ARB2A: variants seen among roughly 807,000 people sequenced by gnomAD.
ARB2A encodes ARB2 cotranscriptional regulator A.
At chr5:93,902,755 C>G in the ARB2A span, among the ~76,000 whole-genome samples, 1 of 152,070 alleles carries the variant, frequency 6.6e-6, no homozygotes, top group African/African-American at 2.4e-5. Flanking sequence ...TGATTAGCTA[C>G]TCTTTTCTTC....
the ARB2A span, chr5:93,741,098 CA>C: frequency 6.2e-7 from 1 of 1,613,866 alleles, no homozygotes; most frequent in Non-Finnish European, 8.5e-7. Flanking sequence ...AGCACCTTCC[CA>C]AACAGAGCTC....
At chr5:93,851,352 C>T in the ARB2A span, among the ~76,000 whole-genome samples, 2 of 152,088 alleles carry the variant, frequency 1.3e-5, no homozygotes, top group Admixed American at 6.6e-5. Context: ...ATGACTTATC[C>T]ATTATATCTT....
chr5:94,076,809 A>G, the ARB2A span, among the ~76,000 whole-genome samples: 1 of 152,146 alleles, frequency 6.6e-6, no homozygotes, highest in African/African-American at 2.4e-5. Context: ...CTAACTCAGT[A>G]TTTCTTCCAA....
the ARB2A span, among the ~76,000 whole-genome samples, chr5:93,772,248 T>C: frequency 6.6e-6 from 1 of 152,012 alleles, no homozygotes; most frequent in Non-Finnish European, 1.5e-5. Context: ...TAGGTGGGAA[T>C]TGAACAATGA....
At chr5:93,718,291 T>A in the ARB2A span, among the ~76,000 whole-genome samples, 1 of 151,876 alleles carries the variant, frequency 6.6e-6, no homozygotes, top group African/African-American at 2.4e-5. Context: ...AAAACAAAAT[T>A]AGCCAGGTGT....
chr5:93,882,054 T>C, the ARB2A span, among the ~76,000 whole-genome samples: 1 of 151,470 alleles, frequency 6.6e-6, no homozygotes, highest in Non-Finnish European at 1.5e-5. Flanking sequence ...ATTTATACTA[T>C]CTGTTTTGAG....
the ARB2A span, among the ~76,000 whole-genome samples, chr5:93,763,845 T>A: frequency 4.6e-5 from 7 of 152,122 alleles, no homozygotes; most frequent in African/African-American, 1.4e-4. Context: ...TATAACAAAC[T>A]GTCTCTCAGA....
chr5:93,784,606 A>G, the ARB2A span: 8 of 732,172 alleles, frequency 1.1e-5, no homozygotes, highest in African/African-American at 5.4e-5. Context: ...ATGAAAAAGC[A>G]ATATGCATCT....
At chr5:94,020,626 T>C in the ARB2A span, among the ~76,000 whole-genome samples, 1 of 152,178 alleles carries the variant, frequency 6.6e-6, no homozygotes, top group Non-Finnish European at 1.5e-5. Flanking sequence ...CTTGGTTGGA[T>C]GGTTGTGATT....
chr5:93,716,832 A>G, the ARB2A span, among the ~76,000 whole-genome samples: 1 of 152,038 alleles, frequency 6.6e-6, no homozygotes, highest in African/African-American at 2.4e-5. Context: ...TGAGAAATGT[A>G]TTCTTCAATT....
At chr5:93,924,096 T>C in the ARB2A span, among the ~76,000 whole-genome samples, 1 of 152,152 alleles carries the variant, frequency 6.6e-6, no homozygotes, top group Non-Finnish European at 1.5e-5. Flanking sequence ...TAGAACACTA[T>C]GAAGATAGAC....
the ARB2A span, among the ~76,000 whole-genome samples, chr5:93,927,039 GA>G: frequency 0.039 from 4,925 of 125,536 alleles, 157 homozygotes; most frequent in East Asian, 0.18. Context: ...GAATGTGCCA[GA>G]AAAAAAAAAA....
the ARB2A span, among the ~76,000 whole-genome samples, chr5:93,790,895 C>A: frequency 6.6e-6 from 1 of 151,932 alleles, no homozygotes; most frequent in African/African-American, 2.4e-5. Flanking sequence ...GTAAGAACAC[C>A]CAAATGAGAA....
chr5:94,096,332 A>G, the ARB2A span, among the ~76,000 whole-genome samples: 1 of 152,362 alleles, frequency 6.6e-6, no homozygotes, highest in African/African-American at 2.4e-5. Context: ...GGAAAGGGGT[A>G]TCACTTGTAT....
the ARB2A span, among the ~76,000 whole-genome samples, chr5:93,725,162 G>A: frequency 2.6e-5 from 4 of 152,020 alleles, no homozygotes; most frequent in Non-Finnish European, 5.9e-5. Flanking sequence ...CTGAACCTGT[G>A]GAAAGCAAAA....
chr5:93,709,090 T>C, the ARB2A span, among the ~76,000 whole-genome samples: 1 of 150,970 alleles, frequency 6.6e-6, no homozygotes, highest in Non-Finnish European at 1.5e-5. Flanking sequence ...GGACTGATTG[T>C]GGTAATCATT....
chr5:94,026,983 A>G, the ARB2A span, among the ~76,000 whole-genome samples: 1 of 152,150 alleles, frequency 6.6e-6, no homozygotes, highest in African/African-American at 2.4e-5. Flanking sequence ...TGAGATTTTT[A>G]CTCTACTTAC....
At chr5:93,685,661 G>A in the ARB2A span, among the ~76,000 whole-genome samples, 1 of 152,146 alleles carries the variant, frequency 6.6e-6, no homozygotes, top group Admixed American at 6.6e-5. Flanking sequence ...GCCTCACCCA[G>A]GATTTACTGC....
At chr5:94,067,354 G>A in the ARB2A span, among the ~76,000 whole-genome samples, 2 of 152,046 alleles carry the variant, frequency 1.3e-5, no homozygotes, top group African/African-American at 4.8e-5. Flanking sequence ...AATCAGGCAA[G>A]AGAACAAAAT....
Sources: allele counts gnomAD v4.1 joint callset (sites outside exome capture counted in the v4.1 genomes callset), GRCh38; gene constraint gnomAD v4.1.1; transcripts MANE v1.5; gene names NCBI Gene and HGNC (gene_info 2026-07-23, HGNC 2026-07-21).